CDK15: variants seen among roughly 807,000 people sequenced by gnomAD.
CDK15 encodes cyclin dependent kinase 15, also known as cyclin-dependent kinase 15.
A neutral mutation model predicts 60.3 loss-of-function variants in CDK15; 62 were observed. The ratio of observed to expected loss-of-function variants is 1.03; its 90% confidence interval spans 0.84 to 1.27. The LOEUF is 1.27. Among genes scored for constraint, CDK15 ranks in the 50% most tolerant of loss-of-function variants. The pLI is 0.00. For missense variants in CDK15, 541 were observed against 527.8 expected, an observed-to-expected ratio of 1.03 and a Z score of -0.25; for synonymous variants, 194 against 195.7, an observed-to-expected ratio of 0.99 and a Z score of 0.07.
chr2:201,867,947 G>A (rs1004426340), intron 10 of CDK15, among the ~76,000 whole-genome samples: 2 of 152,184 alleles, frequency 1.3e-5, no homozygotes, highest in African/African-American at 4.8e-5. Flanking sequence ...GAGAGGCTAA[G>A]CAATTTCCCT....
chr2:201,812,575 G>GAA lies in CDK15; in HGVS notation c.448+15_448+16dup. 1 of 1,585,910 alleles carries GAA rather than the reference G, an allele frequency of 6.3e-7. No homozygotes were observed. Among genetic ancestry groups the GAA allele is most frequent in the Non-Finnish European group, 8.7e-7 (1 of 1,155,088 alleles). On this transcript the variant is annotated intron_variant, in intron 4 of 13. Transcript: ENST00000652192. ...GCTATCCGAGAAGGTAAGAACAGCAGAAATGGACCCAATAGATCTGTTTTG... is the reference window on the plus strand; with the variant it reads ...GCTATCCGAGAAGGTAAGAACAGCAGAAAAATGGACCCAATAGATCTGTTTTG...
At chr2:201,808,681 A>T (rs1222382266) in intron 3 of CDK15, 1 of 152,374 alleles carries the variant, frequency 6.6e-6, no homozygotes, top group African/African-American at 2.4e-5. Flanking sequence ...TTAAAAATAT[A>T]GCTGATCCGA....
At chr2:201,862,024 A>G (rs528253130) in intron 10 of CDK15, among the ~76,000 whole-genome samples, 1 of 152,252 alleles carries the variant, frequency 6.6e-6, no homozygotes, top group South Asian at 2.1e-4. Flanking sequence ...TTTTGTTTTT[A>G]CTTGCATGGC....
At chr2:201,837,295 G>T (rs1361426099) in intron 8 of CDK15, among the ~76,000 whole-genome samples, 1 of 89,886 alleles carries the variant, frequency 1.1e-5, no homozygotes, top group African/African-American at 3.3e-5. Context: ...CTGAAAGAAA[G>T]AAAGAAACAG....
intron 8 of CDK15, among the ~76,000 whole-genome samples, chr2:201,840,321 T>A (rs1254035387): frequency 1.3e-5 from 2 of 152,224 alleles, no homozygotes; most frequent in Admixed American, 1.3e-4. Context: ...TTGCTAATTA[T>A]ATTATCCAAA....
At chr2:201,837,477 AG>A (rs1221934715) in intron 8 of CDK15, among the ~76,000 whole-genome samples, 2 of 140,336 alleles carry the variant, frequency 1.4e-5, no homozygotes, top group South Asian at 5.2e-4. Flanking sequence ...GAAGGAAGGA[AG>A]GAAGGAAGGA....
At chr2:201,875,518 C>T (rs569100073) in intron 11 of CDK15, among the ~76,000 whole-genome samples, 1 of 152,248 alleles carries the variant, frequency 6.6e-6, no homozygotes, top group East Asian at 1.9e-4. Flanking sequence ...TTTGTTACAG[C>T]GTGATTTTAA....
chr2:201,848,265 T>C (rs934585650), intron 9 of CDK15, among the ~76,000 whole-genome samples: 5 of 152,224 alleles, frequency 3.3e-5, no homozygotes, highest in Admixed American at 2.6e-4. Context: ...TCTTAATTCA[T>C]TATTTATCCC....
At chr2:201,858,138 G>A (rs562200207) in intron 10 of CDK15, among the ~76,000 whole-genome samples, 4 of 152,198 alleles carry the variant, frequency 2.6e-5, no homozygotes, top group African/African-American at 9.6e-5. Context: ...ACCTCTAGGA[G>A]GACAGCAAAG....
intron 10 of CDK15, among the ~76,000 whole-genome samples, chr2:201,856,298 T>C (rs1015005033): frequency 4.6e-5 from 7 of 152,204 alleles, no homozygotes; most frequent in African/African-American, 1.7e-4. Flanking sequence ...CAGCTATCCA[T>C]AGGGATCTGG....
chr2:201,870,619 C>T (rs769684759), intron 10 of CDK15, among the ~76,000 whole-genome samples: 8 of 151,566 alleles, frequency 5.3e-5, no homozygotes, highest in Non-Finnish European at 1.0e-4. Flanking sequence ...ATCCCAGCTA[C>T]TCCAGAGGCT....
rs763857342 is a variant in CDK15, at chr2:201,807,929, G to C, written c.345G>C (p.Ala115=). 6.2e-7 allele frequency: 1 copy of C among 1,613,908 alleles called. No individual in the cohort carries two copies. Among genetic ancestry groups the C allele is most frequent in the Non-Finnish European group, 8.5e-7 (1 of 1,180,000 alleles). Residue 115 remains alanine (A), a synonymous_variant, in exon 3 of 14, where the codon GCG becomes GCC. Transcript: ENST00000652192. ...NLEKLGEGSY[A]TVYKGISRIN... ...AGAAGCTGGGTGAAGGCTCTTATGC[G>C]ACAGTTTACAAGGGGATTAGCAGGT... is the stretch of plus-strand genomic sequence containing the variant.
intron 11 of CDK15, among the ~76,000 whole-genome samples, chr2:201,876,889 C>T (rs2105826514): frequency 6.6e-6 from 1 of 152,284 alleles, no homozygotes; most frequent in East Asian, 1.9e-4. Context: ...CCTCGACCTC[C>T]TGGGCTCAGG....
chr2:201,836,597 A>G (rs1161279459), intron 8 of CDK15, among the ~76,000 whole-genome samples: 2 of 151,626 alleles, frequency 1.3e-5, no homozygotes, highest in African/African-American at 4.8e-5. Context: ...TGGCAATCTC[A>G]TGCTCTTTCT....
At chr2:201,824,774 T>C in intron 6 of CDK15, 1 of 720,188 alleles carries the variant, frequency 1.4e-6, no homozygotes, top group South Asian at 2.5e-5. Flanking sequence ...CAGCGCCTAA[T>C]GATGTCTAAA....
chr2:201,889,317 G>C, intron 12 of CDK15: 1 of 985,370 alleles, frequency 1.0e-6, no homozygotes, highest in Non-Finnish European at 1.2e-6. Context: ...AGTGGAAAGG[G>C]GCCCTGAGTA....
Position 201,835,635 on chromosome 2 carries a change from T to G in CDK15, c.731-8T>G. 1 of 1,601,090 alleles carries G rather than the reference T, an allele frequency of 6.2e-7. No individual in the cohort carries two copies. The highest frequency in any genetic ancestry group is 1.3e-5 in the African/African-American group (1 of 74,838). ...ACGATGGGTTTTATGCTTTTCCCTT[T>G]TGGACAGGTCTTGCCCGGGCCAAGT... On this transcript the variant is annotated splice_polypyrimidine_tract_variant and splice_region_variant and intron_variant, in intron 7 of 13. Coordinates refer to ENST00000652192, the MANE Select transcript of CDK15 (RefSeq NM_001366386.2).
At chr2:201,873,712 A>C (rs1473785097) in intron 11 of CDK15, among the ~76,000 whole-genome samples, 3 of 152,132 alleles carry the variant, frequency 2.0e-5, no homozygotes, top group Admixed American at 2.0e-4. Flanking sequence ...ATATGTATTC[A>C]CCTTTTCTCA....
rs116405690 is a variant in CDK15 at position 201,880,207 on chromosome 2, C to T, written c.1198+40C>T. On this transcript the variant is annotated intron_variant, in intron 12 of 13. Transcript: ENST00000652192. Reference sequence around the variant, plus strand: ...GTGTGCGTGTGCGTGAGTGCATGTGCGTGAGTGCGTGTGTGTGTAAGTCTT... The same window carrying T: ...GTGTGCGTGTGCGTGAGTGCATGTGTGTGAGTGCGTGTGTGTGTAAGTCTT... 1.1e-3 allele frequency: 1,751 copies of T among 1,605,386 alleles called. 24 individuals carry two copies. The African/African-American group carries it at 0.021, about 20-fold the overall frequency.
Sources: gnomAD v4.1 joint callset for allele counts (sites outside exome capture counted in the v4.1 genomes callset) on GRCh38, gnomAD v4.1.1 for gene constraint, MANE v1.5 for transcripts, NCBI Gene and HGNC (gene_info 2026-07-23, HGNC 2026-07-21) for gene names.